Variants in DSP observed in about 807,000 individuals in gnomAD.
DSP encodes 250/210 kDa paraneoplastic pemphigus antigen.
DSP carries 114 observed loss-of-function variants against 290.6 expected under a neutral mutation model. The ratio of observed to expected loss-of-function variants is 0.39; its 90% confidence interval spans 0.34 to 0.46. DSP has a LOEUF of 0.46. Ranked by LOEUF, DSP falls within the 20% of genes least tolerant of loss-of-function variation. DSP has a pLI of 0.99. For synonymous variants in DSP, 1,311 were observed against 1,316.4 expected (o/e 1.00, Z 0.09); for missense variants, 3,230 against 3,495.8 (o/e 0.92, Z 1.92).
intron 2 of DSP, 83 bp downstream of exon 2, chr6:7,555,903 C>G: frequency 1.6e-6 from 2 of 1,242,264 alleles, no homozygotes; most frequent in Non-Finnish European, 2.3e-6. Context: ...CTGGCCGGGG[C>G]CTATTCACTG....
At position 7,583,931 on chromosome 6, in the gene DSP, A is replaced by G; in HGVS notation, c.6669A>G (p.Val2223=). The G allele has an allele frequency of 1.2e-6, 2 of 1,614,170 alleles. No homozygotes were observed. Among genetic ancestry groups the G allele is most frequent in the Non-Finnish European group, 1.7e-6 (2 of 1,180,034 alleles). Reference sequence around the variant, plus strand: ...AACCTGTGACCGTCACTGAGCTAGTAGATTCTGGTATATTGAGACCGTCCA... The same window carrying G: ...AACCTGTGACCGTCACTGAGCTAGTGGATTCTGGTATATTGAGACCGTCCA... The part of the protein sequence containing the change: ...IRQPVTVTEL[V]DSGILRPSTV... The change falls in exon 24 of 24, where the codon GTA becomes GTG. Residue 2223 remains valine, a synonymous_variant. Coordinates refer to ENST00000379802, the MANE Select transcript of DSP (RefSeq NM_004415.4). The surrounding 1 kb of genome is among the most constrained non-coding windows in gnomAD (Gnocchi z 4.0).
Position 7,576,353 on chromosome 6 carries a change from C to T in DSP, c.2690C>T (p.Ala897Val), listed in dbSNP as rs748092880. 1 of 1,614,120 alleles carries T rather than the reference C, an allele frequency of 6.2e-7. No homozygotes were observed. The highest frequency in any genetic ancestry group is 8.5e-7 in the Non-Finnish European group (1 of 1,180,006). ...AGGAATTATCGTGATAACTATCAGG[C>T]TTTCTGCAAGTGGCTCTATGATGCT... is the stretch of plus-strand genomic sequence containing the variant. ...QLRNYRDNYQ[A>V]FCKWLYDAKR... Residue 897 changes from alanine to valine, a missense_variant, in exon 19 of 24, where the codon GCT becomes GTT. Physicochemically the swap from Ala to Val is moderately conservative, Grantham distance 64. Transcript: ENST00000379802.
At chr6:7,545,085 A>G (rs1222287196) in intron 1 of DSP, among the ~76,000 whole-genome samples, 1 of 152,208 alleles carries the variant, frequency 6.6e-6, no homozygotes, top group East Asian at 1.9e-4. Context: ...TTCACCCATC[A>G]AAGGGTGAAT....
At position 7,558,229 on chromosome 6, in the gene DSP, G is replaced by A. The variant is rs913507900; in HGVS notation, c.387G>A (p.Arg129=). Residue 129 remains arginine, a synonymous_variant, in exon 3 of 24, where the codon CGG becomes CGA. Coordinates refer to ENST00000379802, the MANE Select transcript of DSP (RefSeq NM_004415.4). ...EILDSLIREM[R]QMGQPCDAYQ... ...TCGACAGCTTGATCAGAGAGATGCG[G>A]CAGATGGGCCAGCCCTGTGATGCTT... 6.2e-7 allele frequency: 1 copy of A among 1,614,114 alleles called. No homozygotes were observed. Among genetic ancestry groups the A allele is most frequent in the Non-Finnish European group, 8.5e-7 (1 of 1,180,050 alleles).
At chr6:7,561,000 G>T (rs1758669285) in intron 4 of DSP, among the ~76,000 whole-genome samples, 1 of 151,420 alleles carries the variant, frequency 6.6e-6, no homozygotes, top group African/African-American at 2.4e-5. Context: ...TGCCCAGGCA[G>T]GAGTGCAGTG....
chr6:7,583,058 C>T lies in DSP; in HGVS notation c.5796C>T (p.Arg1932=), dbSNP rs148845182. The T allele has an allele frequency of 1.2e-6, 2 of 1,614,044 alleles. No homozygotes were observed. Among genetic ancestry groups the T allele is most frequent in the East Asian group, 4.5e-5 (2 of 44,876 alleles). ...RETQSQLETE[R]SRYQREIDKL... is the part of the protein sequence containing the mutation. ...CACAGTCACAGTTAGAAACAGAACG[C>T]TCCCGATATCAGAGGGAGATTGATA... The change falls in exon 24 of 24, where the codon CGC becomes CGT. Residue 1932 remains arginine (R), a synonymous_variant. Coordinates refer to ENST00000379802, the MANE Select transcript of DSP (RefSeq NM_004415.4). The surrounding 1 kb of genome is among the most constrained non-coding windows in gnomAD (Gnocchi z 4.0).
chr6:7,580,748 A>T lies in DSP; in HGVS notation c.4558A>T (p.Ser1520Cys), dbSNP rs780953141. The part of the protein sequence containing the change: ...VQYDLQKANS[S>C]ATETINKLKV... ...GTATGACCTGCAGAAAGCAAACAGT[A>T]GTGCGACGGAGACAATAAACAAACT... is the stretch of plus-strand genomic sequence containing the variant. Residue 1520 changes from serine to cysteine, a missense_variant, in exon 23 of 24, where the codon AGT (serine) becomes TGT (cysteine). Ser to Cys is a moderately radical substitution (Grantham distance 112, BLOSUM62 -1). Around this residue, in one of 5 missense-constraint regions of DSP, gnomAD observed 1,714 missense variants for 1,844.5 expected, o/e 0.93. Coordinates refer to ENST00000379802, the MANE Select transcript of DSP (RefSeq NM_004415.4). The surrounding 1 kb of genome is among the most constrained non-coding windows in gnomAD (Gnocchi z 4.2). 51 of 1,614,024 alleles carry T rather than the reference A, an allele frequency of 3.2e-5. No homozygotes were observed. Among genetic ancestry groups the T allele is most frequent in the Non-Finnish European group, 4.0e-5 (47 of 1,180,034 alleles).
chr6:7,559,096 A>T, intron 3 of DSP, 130 bp from the exon 4 acceptor site: 1 of 1,072,326 alleles, frequency 9.3e-7, no homozygotes, highest in Non-Finnish European at 1.4e-6. Flanking sequence ...AGAAAAAAAA[A>T]TCTTCAAATA....
chr6:7,572,125 A>G, intron 15 of DSP, 57 bp downstream of exon 15: 1 of 1,436,196 alleles, frequency 7.0e-7, no homozygotes, highest in Non-Finnish European at 9.7e-7. Flanking sequence ...TTACCTGTAA[A>G]TGAATAAAAA....
In DSP at chr6:7,573,937, T is replaced by C. The variant is rs535822168; in HGVS notation, c.2131-149T>C. On this transcript the variant is annotated intron_variant, in intron 15 of 23. Coordinates refer to ENST00000379802, the MANE Select transcript of DSP (RefSeq NM_004415.4). Reference sequence around the variant, plus strand: ...CCACACATACAAAAAAAGATAACCATGGAAGTTGACTGATGTGTTAATTTA... The same window carrying C: ...CCACACATACAAAAAAAGATAACCACGGAAGTTGACTGATGTGTTAATTTA... 517 of 872,790 alleles carry C rather than the reference T, an allele frequency of 5.9e-4. 3 individuals are homozygous for C. The highest frequency in any genetic ancestry group is 9.3e-4 in the South Asian group (59 of 63,476). The allele number at this position is 872,790 out of a possible 1,614,324, so 54.1% of individuals were successfully genotyped here. A position where few individuals can be genotyped will look rare whatever the true frequency, so the allele number is the denominator to read the frequency against.
intron 1 of DSP, among the ~76,000 whole-genome samples, chr6:7,545,198 G>C (rs1050749887): frequency 6.6e-6 from 1 of 152,168 alleles, no homozygotes; most frequent in Non-Finnish European, 1.5e-5. Context: ...TCAAAACTGA[G>C]ATACGTGTGA....
In DSP at chr6:7,555,784, C is replaced by T. The variant is rs146521568; in HGVS notation, c.237C>T (p.Ser79=). 1.6e-4 allele frequency: 258 copies of T among 1,614,094 alleles called. No homozygotes were observed. The highest frequency in any genetic ancestry group is 2.0e-4 in the Non-Finnish European group (235 of 1,180,044). ...NTIQELLQNC[S]DCLMRAELIV... is the part of the protein sequence containing the mutation. ...TCCAGGAGCTGCTGCAGAACTGCTCCGACTGCTTGATGCGAGCAGAGCTCA... is the reference window on the plus strand; with the variant it reads ...TCCAGGAGCTGCTGCAGAACTGCTCTGACTGCTTGATGCGAGCAGAGCTCA... The change falls in exon 2 of 24, where the codon TCC becomes TCT. Residue 79 remains serine (S), a synonymous_variant. Coordinates refer to ENST00000379802, the MANE Select transcript of DSP (RefSeq NM_004415.4).
At position 7,583,958 on chromosome 6, in the gene DSP, T is replaced by A; in HGVS notation, c.6696T>A (p.Thr2232=). The part of the protein sequence containing the change: ...LVDSGILRPS[T]VNELESGQIS... ...ATTCTGGTATATTGAGACCGTCCACTGTCAATGAACTGGAATCTGGTCAGA... is the reference window on the plus strand; with the variant it reads ...ATTCTGGTATATTGAGACCGTCCACAGTCAATGAACTGGAATCTGGTCAGA... The change falls in exon 24 of 24, where the codon ACT becomes ACA. Residue 2232 remains threonine, a synonymous_variant. Coordinates refer to ENST00000379802, the MANE Select transcript of DSP (RefSeq NM_004415.4). The surrounding 1 kb of genome is among the most constrained non-coding windows in gnomAD (Gnocchi z 4.0). 1 of 1,614,210 alleles carries A rather than the reference T, an allele frequency of 6.2e-7. No homozygotes were observed. The highest frequency in any genetic ancestry group is 8.5e-7 in the Non-Finnish European group (1 of 1,180,042).
Position 7,571,849 on chromosome 6 carries a change from A to C in DSP, c.1911A>C (p.Thr637=). The C allele has an allele frequency of 6.2e-7, 1 of 1,612,604 alleles. No individual in the cohort carries two copies. The highest frequency in any genetic ancestry group is 8.5e-7 in the Non-Finnish European group (1 of 1,180,026). The change falls in exon 15 of 24, where the codon ACA becomes ACC. Residue 637 remains threonine, a synonymous_variant. Transcript: ENST00000379802. ...CCTAACTTCTTTTTACAGTGACCAC[A>C]ACTGAAATCACTCATCATGGAACCT... ...PGYPQHQTVT[T]TEITHHGTCQ... is the part of the protein sequence containing the mutation.
chr6:7,562,749 G>A lies in DSP; in HGVS notation c.695G>A (p.Arg232His), dbSNP rs749438581. 9 of 1,613,972 alleles carry A rather than the reference G, an allele frequency of 5.6e-6. No homozygotes were observed. The East Asian group carries it at 6.7e-5, about 12-fold the overall frequency. The change falls in exon 5 of 24, where the codon CGC (arginine) becomes CAC (histidine). Residue 232 changes from arginine to histidine, a missense_variant. Physicochemically the swap from Arg to His is conservative, Grantham distance 29. Around this residue, in one of 5 missense-constraint regions of DSP, gnomAD observed 646 missense variants for 684.3 expected, o/e 0.94. Coordinates refer to ENST00000379802, the MANE Select transcript of DSP (RefSeq NM_004415.4). Reference sequence around the variant, plus strand: ...ATCCACAACTCCATCGGCGACTATCGCTGGCAGCTGGACAAAATCAAAGCC... The same window carrying A: ...ATCCACAACTCCATCGGCGACTATCACTGGCAGCTGGACAAAATCAAAGCC... The part of the protein sequence containing the change: ...RGIHNSIGDY[R>H]WQLDKIKADL...
chr6:7,543,661 T>C (rs1239243160), intron 1 of DSP, among the ~76,000 whole-genome samples: 1 of 152,186 alleles, frequency 6.6e-6, no homozygotes, highest in Non-Finnish European at 1.5e-5. Context: ...CAAGTCAGAA[T>C]AGAATGCGAA....
At chr6:7,566,006 A>G (rs1313230267) in intron 7 of DSP, among the ~76,000 whole-genome samples, 3 of 152,242 alleles carry the variant, frequency 2.0e-5, no homozygotes, top group Non-Finnish European at 4.4e-5. Flanking sequence ...AAGAGGGGCA[A>G]TACCTTGTTT....
At chr6:7,546,652 T>C (rs1366759281) in intron 1 of DSP, among the ~76,000 whole-genome samples, 2 of 152,246 alleles carry the variant, frequency 1.3e-5, no homozygotes. Context: ...TCACCTTTTC[T>C]ACTTGTAAAC....
chr6:7,574,761 T>G lies in DSP; in HGVS notation c.2402T>G (p.Leu801Arg). The G allele has an allele frequency of 6.2e-7, 1 of 1,614,182 alleles. No individual in the cohort carries two copies. The highest frequency in any genetic ancestry group is 8.5e-7 in the Non-Finnish European group (1 of 1,180,032). Reference sequence around the variant, plus strand: ...GAGGAGGAAACTGTCTGCCTGGACCTGGATAAAGTGGAAGCTTACCGCTGT... The same window carrying G: ...GAGGAGGAAACTGTCTGCCTGGACCGGGATAAAGTGGAAGCTTACCGCTGT... ...LTEEETVCLD[L>R]DKVEAYRCGL... Residue 801 changes from leucine (L) to arginine (R), a missense_variant, in exon 17 of 24, where the codon CTG (leucine) becomes CGG (arginine). Transcript: ENST00000379802.
Sources: allele counts gnomAD v4.1 joint callset (sites outside exome capture counted in the v4.1 genomes callset), GRCh38; gene constraint gnomAD v4.1.1; regional missense constraint gnomAD v4.1.1; non-coding constraint Gnocchi (gnomAD v3.1); transcripts MANE v1.5; gene names NCBI Gene and HGNC (gene_info 2026-07-23, HGNC 2026-07-21).